Variants in ZYG11B observed in about 807,000 individuals in gnomAD.
ZYG11B encodes the protein protein zyg-11 homolog B.
In ZYG11B, 36 loss-of-function variants were observed where a neutral mutation model predicts 82.4. That is an observed-to-expected ratio of 0.44 (90% confidence interval 0.33 to 0.58). The LOEUF (loss-of-function observed/expected upper bound fraction) is 0.58, where lower values mean the gene tolerates loss of function less well. Among genes scored for constraint, ZYG11B ranks in the 20% least tolerant of loss-of-function variants. The pLI, the probability that ZYG11B is intolerant of heterozygous loss-of-function variation, is 0.02. For missense variants in ZYG11B, 552 were observed against 895.6 expected, an observed-to-expected ratio of 0.62 and a Z score of 4.90; for synonymous variants, 303 against 312.8, an observed-to-expected ratio of 0.97 and a Z score of 0.33.
intron 5 of ZYG11B, 111 bp from the exon 6 acceptor site, chr1:52,789,892 A>G (rs1644942218): frequency 3.0e-6 from 2 of 668,684 alleles, no homozygotes; most frequent in East Asian, 5.8e-5. Flanking sequence ...GTAAGAAATA[A>G]CTGGTGTTTC....
At position 52,726,596 on chromosome 1, in the gene ZYG11B, G is replaced by C; in HGVS notation, c.-58G>C. ...GGAGCCTCCTGGAGCCTCCGCGCCG[G>C]CTCAGCCTGGGGGCGGGCTCCGGTC... On this transcript the variant is annotated 5_prime_UTR_variant, in exon 1 of 14. Transcript: ENST00000294353. 7.3e-7 allele frequency: 1 copy of C among 1,372,710 alleles called. No individual in the cohort carries two copies. Among genetic ancestry groups the C allele is most frequent in the Non-Finnish European group, 9.3e-7 (1 of 1,071,440 alleles). 85.0% of individuals were successfully genotyped at this position (1,372,710 alleles called of 1,614,324 possible). A position where few individuals can be genotyped will look rare whatever the true frequency, so the allele number is the denominator to read the frequency against.
chr1:52,751,256 C>G (rs1337214327), intron 1 of ZYG11B, among the ~76,000 whole-genome samples: 3 of 151,514 alleles, frequency 2.0e-5, no homozygotes, highest in African/African-American at 7.3e-5. Context: ...TGTGAGCCAT[C>G]ACGCCCACCC....
At chr1:52,809,760 A>T (rs958561635) in intron 10 of ZYG11B, among the ~76,000 whole-genome samples, 5 of 151,972 alleles carry the variant, frequency 3.3e-5, no homozygotes, top group African/African-American at 1.2e-4. Flanking sequence ...TTCTCTGATG[A>T]TAAGTGGTGT....
At chr1:52,790,590 G>A (rs571909539) in intron 6 of ZYG11B, among the ~76,000 whole-genome samples, 8 of 151,932 alleles carry the variant, frequency 5.3e-5, no homozygotes, top group Middle Eastern at 3.4e-3. Flanking sequence ...GTGTGGTGGC[G>A]CACGCCTGGA....
chr1:52,770,573 C>T (rs1644741029), intron 2 of ZYG11B, among the ~76,000 whole-genome samples: 2 of 152,220 alleles, frequency 1.3e-5, no homozygotes, highest in African/African-American at 4.8e-5. Flanking sequence ...AGGGTTTCTC[C>T]TCATATAACT....
At chr1:52,793,290 C>T (rs1644974742) in intron 6 of ZYG11B, among the ~76,000 whole-genome samples, 1 of 152,016 alleles carries the variant, frequency 6.6e-6, no homozygotes, top group South Asian at 2.1e-4. Context: ...AAGTGGATCA[C>T]TTGAGGTCAG....
chr1:52,771,866 A>AAC lies in ZYG11B; in HGVS notation c.951+92_951+93insAC, dbSNP rs1317000116. 6.3e-6 allele frequency: 9 copies of AAC among 1,419,168 alleles called. No homozygotes were observed. The African/African-American group carries it at 1.3e-4, about 20-fold the overall frequency. The allele number at this position is 1,419,168 out of a possible 1,614,324, so 87.9% of individuals were successfully genotyped here. A position where few individuals can be genotyped will look rare whatever the true frequency, so the allele number is the denominator to read the frequency against. ...AAGATGAATGTCTGTAATATATGGA[A>AAC]CATGTTCATGAAACAGGGCTGCATA... On this transcript the variant is annotated intron_variant, in intron 3 of 13. Transcript: ENST00000294353. This position sits in a 1 kb window ranked among gnomAD's most constrained non-coding sequence, Gnocchi z 5.4.
At chr1:52,753,007 C>T (rs1423886756) in intron 1 of ZYG11B, among the ~76,000 whole-genome samples, 6 of 152,006 alleles carry the variant, frequency 3.9e-5, no homozygotes, top group Non-Finnish European at 8.8e-5. Context: ...ACCACCACAC[C>T]CAGCTAATTT....
rs1222822845 is a variant in ZYG11B, at chr1:52,813,744, T to C, written c.1893+11T>C. 3 of 1,613,758 alleles carry C rather than the reference T, an allele frequency of 1.9e-6. No homozygotes were observed. In the East Asian group the frequency reaches 6.7e-5, roughly 36 times the overall value. On this transcript the variant is annotated intron_variant, in intron 11 of 13. Coordinates refer to ENST00000294353, the MANE Select transcript of ZYG11B (RefSeq NM_024646.3). ...CTGCTGGATGATTTGGTAGGGTCAT[T>C]CCATACCAACAAAAGACATTCATAG...
chr1:52,816,792 T>C (rs1645228054), intron 13 of ZYG11B, among the ~76,000 whole-genome samples, 163 bp downstream of exon 13: 1 of 142,492 alleles, frequency 7.0e-6, no homozygotes, highest in Admixed American at 7.0e-5. Flanking sequence ...TTTTTTTTTT[T>C]TTTTTTTTTT....
chr1:52,747,659 C>G (rs544720011), intron 1 of ZYG11B, among the ~76,000 whole-genome samples: 11 of 152,050 alleles, frequency 7.2e-5, no homozygotes, highest in Non-Finnish European at 4.4e-5. Context: ...TTAACAAGTT[C>G]CTTCTACTTG....
In ZYG11B at chr1:52,776,229, A is replaced by AAAAATATATAT; in HGVS notation, c.952-3623_952-3622insAAATATATATA. On this transcript the variant is annotated intron_variant, in intron 3 of 13. Transcript: ENST00000294353. ...AGCAAAACTCTGTCTTAAAAAAAAA[A>AAAAATATATAT]ATATATATATATATATGCAATAAAG... Among the ~76,000 whole-genome samples the AAAAATATATAT allele has an allele frequency of 9.8e-4, 23 of 23,520 alleles. 3 individuals are homozygous for AAAAATATATAT. Among genetic ancestry groups the AAAAATATATAT allele is most frequent in the South Asian group, 4.7e-3 (2 of 422 alleles). 15.4% of individuals were successfully genotyped at this position (23,520 alleles called of 152,430 possible).
At chr1:52,746,692 T>TTTTTTTTG (rs1644479806) in intron 1 of ZYG11B, among the ~76,000 whole-genome samples, 1 of 119,956 alleles carries the variant, frequency 8.3e-6, no homozygotes, top group Non-Finnish European at 1.7e-5. Context: ...CCACTGTTTT[T>TTTTTTTTG]TTTTTTTTTT....
chr1:52,803,239 TACAC>T lies in ZYG11B; in HGVS notation c.1695+1108_1695+1111del, dbSNP rs764253745. 0.017 allele frequency among the ~76,000 whole-genome samples: 1,050 copies of T among 60,528 alleles called. 107 individuals are homozygous for T. The East Asian group carries it at 0.17, about 10-fold the overall frequency. The allele number at this position is 60,528 out of a possible 152,430, so 39.7% of individuals were successfully genotyped here. A position where few individuals can be genotyped will look rare whatever the true frequency, so the allele number is the denominator to read the frequency against. On this transcript the variant is annotated intron_variant, in intron 10 of 13. Coordinates refer to ENST00000294353, the MANE Select transcript of ZYG11B (RefSeq NM_024646.3). ...ATATATATATACACACATATATATA[TACAC>T]ACACACATATATATATATATATACA...
chr1:52,779,546 A>G (rs576597540), intron 3 of ZYG11B, among the ~76,000 whole-genome samples: 2 of 152,310 alleles, frequency 1.3e-5, no homozygotes, highest in South Asian at 4.1e-4. Flanking sequence ...GCTGGAGTGC[A>G]GTGGCGTGAT....
chr1:52,756,940 C>T (rs529041241), intron 2 of ZYG11B, among the ~76,000 whole-genome samples: 50 of 151,772 alleles, frequency 3.3e-4, no homozygotes, highest in African/African-American at 7.7e-4. Flanking sequence ...AGCTCAGCCT[C>T]CTGTGTAGCT....
rs923681029 is a variant in ZYG11B at position 52,826,464 on chromosome 1, C to G, written c.*4835C>G. 4.6e-5 allele frequency: 7 copies of G among 152,170 alleles called. No individual in the cohort carries two copies. The highest frequency in any genetic ancestry group is 1.4e-4 in the African/African-American group (6 of 41,440). The allele number at this position is 152,170 out of a possible 1,614,324, so 9.4% of individuals were successfully genotyped here. On this transcript the variant is annotated 3_prime_UTR_variant, in exon 14 of 14. Transcript: ENST00000294353. ...AATAGCCGTATGATAAGAGAATTTG[C>G]TCATCGTGCTTTAAATGATTAACTG...
In ZYG11B at chr1:52,783,904, A is replaced by T. The variant is rs367916776; in HGVS notation, c.1093-973A>T. Among the ~76,000 whole-genome samples the T allele has an allele frequency of 5.8e-3, 395 of 68,220 alleles. 1 individual carries two copies. Among genetic ancestry groups the T allele is most frequent in the Non-Finnish European group, 9.3e-3 (292 of 31,236 alleles). The allele number at this position is 68,220 out of a possible 152,430, so 44.8% of individuals were successfully genotyped here. On this transcript the variant is annotated intron_variant, in intron 4 of 13. Coordinates refer to ENST00000294353, the MANE Select transcript of ZYG11B (RefSeq NM_024646.3). ...TGTATATGTACATACACGTGTGTGT[A>T]TATACATCTATACATATATGTGTAT...
intron 10 of ZYG11B, among the ~76,000 whole-genome samples, chr1:52,803,277 C>A (rs865971115): frequency 9.4e-6 from 1 of 106,202 alleles, no homozygotes; most frequent in African/African-American, 3.9e-5. Context: ...CACACACACA[C>A]ACATATATAT....
Sources: gnomAD v4.1 joint callset for allele counts (sites outside exome capture counted in the v4.1 genomes callset) on GRCh38, gnomAD v4.1.1 for gene constraint, Gnocchi (gnomAD v3.1) non-coding constraint, MANE v1.5 for transcripts, NCBI Gene and HGNC (gene_info 2026-07-23, HGNC 2026-07-21) for gene names.